Variants in KDM3A observed in about 807,000 individuals in gnomAD.
KDM3A encodes lysine demethylase 3A.
A neutral mutation model predicts 158.0 loss-of-function variants in KDM3A; 60 were observed. The observed-to-expected ratio is 0.38, with a 90% CI of 0.31 to 0.47. KDM3A has a LOEUF of 0.47. KDM3A is among the 20% of genes least tolerant of loss of function. The probability of loss-of-function intolerance (pLI) is 0.99; values close to 1 mark genes in which losing one functional copy is unlikely to be tolerated. For missense variants in KDM3A, 1,319 were observed against 1,574.3 expected, an observed-to-expected ratio of 0.84 and a Z score of 2.74; for synonymous variants, 608 against 549.3, an observed-to-expected ratio of 1.11 and a Z score of -1.49.
intron 6 of KDM3A, 112 bp from the exon 7 acceptor site, chr2:86,456,693 T>A: frequency 7.8e-7 from 1 of 1,283,470 alleles, no homozygotes. Context: ...ACAGTTGTTT[T>A]AAAAAGAAAT....
upstream of KDM3A, among the ~76,000 whole-genome samples, chr2:86,438,417 G>C (rs1682527247): frequency 6.6e-6 from 1 of 151,996 alleles, no homozygotes; most frequent in Non-Finnish European, 1.5e-5. Context: ...AAGTTCAAAT[G>C]ATCTAATGTA....
chr2:86,461,061 C>T (rs1035608719), intron 8 of KDM3A, among the ~76,000 whole-genome samples: 9 of 147,856 alleles, frequency 6.1e-5, no homozygotes. Context: ...TAAGACAGCT[C>T]ATCTCTAAAA....
At chr2:86,456,907 C>A in intron 7 of KDM3A, 30 bp downstream of exon 7, 1 of 1,577,914 alleles carries the variant, frequency 6.3e-7, no homozygotes, top group South Asian at 1.1e-5. Context: ...TCTTTCTTCT[C>A]CTTCCTCCTT....
chr2:86,491,713 CAT>C (rs1281165840), intron 25 of KDM3A: 4 of 334,514 alleles, frequency 1.2e-5, no homozygotes, highest in South Asian at 9.0e-5. Context: ...AATTATGTAA[CAT>C]AATTTCATGT....
At chr2:86,471,919 TTTC>T (rs1477957680) in intron 11 of KDM3A, among the ~76,000 whole-genome samples, 3 of 152,188 alleles carry the variant, frequency 2.0e-5, no homozygotes, top group Admixed American at 6.5e-5. Flanking sequence ...TCTCGAGAAT[TTTC>T]TTCTTAAACA....
At chr2:86,450,871 A>ATATTAATATT (rs1294309552) in intron 3 of KDM3A, among the ~76,000 whole-genome samples, 6 of 152,194 alleles carry the variant, frequency 3.9e-5, no homozygotes, top group African/African-American at 1.4e-4. Context: ...GAATCTGTGA[A>ATATTAATATT]CCCAGTCTTG....
At chr2:86,452,800 C>G (rs1434283291) in intron 4 of KDM3A, among the ~76,000 whole-genome samples, 1 of 152,166 alleles carries the variant, frequency 6.6e-6, no homozygotes, top group Non-Finnish European at 1.5e-5. Context: ...ATCCATACTT[C>G]CATATCTGGA....
At chr2:86,469,022 A>C (rs1673281254) in intron 10 of KDM3A, among the ~76,000 whole-genome samples, 1 of 152,194 alleles carries the variant, frequency 6.6e-6, no homozygotes. Flanking sequence ...TATCTGAGTA[A>C]TTAAAATTAC....
intron 2 of KDM3A, 98 bp from the exon 3 acceptor site, chr2:86,449,709 A>C: frequency 7.6e-7 from 1 of 1,317,530 alleles, no homozygotes. Flanking sequence ...TAAAGGATTC[A>C]AATAGAATAA....
intron 10 of KDM3A, among the ~76,000 whole-genome samples, chr2:86,467,631 C>T (rs1312135157): frequency 6.6e-6 from 1 of 152,150 alleles, no homozygotes; most frequent in Non-Finnish European, 1.5e-5. Context: ...GTTAGAAGAA[C>T]AAAATGTTTT....
intron 9 of KDM3A, among the ~76,000 whole-genome samples, chr2:86,464,773 A>G (rs987035236): frequency 5.3e-5 from 8 of 152,262 alleles, no homozygotes; most frequent in African/African-American, 1.9e-4. Flanking sequence ...TTGACAGAGC[A>G]AGTAGTTTCA....
chr2:86,452,958 A>G (rs1202751662), intron 4 of KDM3A, among the ~76,000 whole-genome samples: 7 of 152,214 alleles, frequency 4.6e-5, no homozygotes, highest in Admixed American at 1.3e-4. Flanking sequence ...TAAAAGGAAG[A>G]CTGACTTGCT....
chr2:86,479,545 C>A (rs1673823085), intron 15 of KDM3A: 1 of 151,936 alleles, frequency 6.6e-6, no homozygotes, highest in African/African-American at 2.4e-5. Context: ...AATTACATCA[C>A]ATGTAAAGAG....
chr2:86,451,029 G>A (rs1672437879), intron 3 of KDM3A, 74 bp from the exon 4 acceptor site: 1 of 971,190 alleles, frequency 1.0e-6, no homozygotes, highest in South Asian at 1.7e-5. Context: ...TCTGTGTGTG[G>A]AAAATTGCCA....
In KDM3A at chr2:86,482,570, A is replaced by T. The variant is rs1207684949; in HGVS notation, c.2798A>T (p.Lys933Met). The T allele has an allele frequency of 6.2e-7, 1 of 1,614,194 alleles. No homozygotes were observed. Among genetic ancestry groups the T allele is most frequent in the South Asian group, 1.1e-5 (1 of 91,078 alleles). The change falls in exon 18 of 26, where the codon AAG (lysine) becomes ATG (methionine). Residue 933 changes from lysine to methionine, a missense_variant. Coordinates refer to ENST00000312912, the MANE Select transcript of KDM3A (RefSeq NM_018433.6). ...AAGAGGCCTCAAGGACTAACCATCA[A>T]GCCCAGCATTCTGGGCTTTGACACT... ...LSKRPQGLTI[K>M]PSILGFDTPH...
intron 2 of KDM3A, among the ~76,000 whole-genome samples, chr2:86,443,741 G>A (rs1323960353): frequency 2.0e-5 from 3 of 152,158 alleles, no homozygotes; most frequent in Non-Finnish European, 2.9e-5. Flanking sequence ...AGGCTGTGAG[G>A]TTTGGTTTTT....
At chr2:86,482,413 T>C (rs746862327) in intron 17 of KDM3A, 45 bp from the exon 18 acceptor site, 1 of 1,595,402 alleles carries the variant, frequency 6.3e-7, no homozygotes, top group Non-Finnish European at 8.5e-7. Flanking sequence ...TTCTTGATGG[T>C]AAGGGAATGA....
intron 10 of KDM3A, 129 bp from the exon 11 acceptor site, chr2:86,470,075 A>C: frequency 2.8e-6 from 2 of 703,860 alleles, no homozygotes; most frequent in South Asian, 3.8e-5. Flanking sequence ...TAGAAATTAC[A>C]ATTGAACCAG....
chr2:86,473,117 C>G (rs994300035), intron 11 of KDM3A, among the ~76,000 whole-genome samples: 2 of 152,094 alleles, frequency 1.3e-5, no homozygotes, highest in Admixed American at 1.3e-4. Context: ...CTTATGTCTC[C>G]TACTAGAAAT....
Sources: allele counts gnomAD v4.1 joint callset (sites outside exome capture counted in the v4.1 genomes callset), GRCh38; gene constraint gnomAD v4.1.1; transcripts MANE v1.5; gene names NCBI Gene and HGNC (gene_info 2026-07-23, HGNC 2026-07-21).